The following DTNA variants were observed in gnomAD, a reference collection of about 807,000 sequenced individuals.
The protein encoded by DTNA is dystrobrevin alpha, also known as dystrophin-related protein 3.
Under a neutral mutation model 100.7 loss-of-function variants are expected in DTNA, and 43 were observed. The ratio of observed to expected loss-of-function variants is 0.43; its 90% CI spans 0.33 to 0.55. The LOEUF (loss-of-function observed/expected upper bound fraction) is 0.55, where lower values mean the gene tolerates loss of function less well. DTNA is among the 20% of genes least tolerant of loss of function. The pLI is 0.04. For synonymous variants in DTNA, 349 were observed against 347.9 expected, an observed-to-expected ratio of 1.00 and a Z score of -0.04; for missense variants, 798 against 953.9, an observed-to-expected ratio of 0.84 and a Z score of 2.15.
At chr18:34,573,596 T>G (rs993958928) in intron 1 of DTNA, among the ~76,000 whole-genome samples, 1 of 152,228 alleles carries the variant, frequency 6.6e-6, no homozygotes, top group Non-Finnish European at 1.5e-5. Flanking sequence ...ATTAAAATTG[T>G]ATACATTTAT....
chr18:34,626,792 G>T (rs1193742110), intron 1 of DTNA, among the ~76,000 whole-genome samples: 1 of 152,218 alleles, frequency 6.6e-6, no homozygotes, highest in Non-Finnish European at 1.5e-5. Flanking sequence ...GCAGCCTGGG[G>T]CTGTCACATG....
At position 34,858,797 on chromosome 18, in the gene DTNA, G is replaced by C. The variant is rs529700775; in HGVS notation, c.1646+399G>C. Among the ~76,000 whole-genome samples, 10 of 151,856 alleles carry C rather than the reference G, an allele frequency of 6.6e-5. No individual in the cohort carries two copies. The South Asian group carries it at 1.9e-3, about 28-fold the overall frequency. On this transcript the variant is annotated intron_variant, in intron 16 of 22. Transcript: ENST00000444659. ...GGCTAATTTTTTTGTATTTAGTAGAGACAGGGTTTCACCATATTAGTCAGA... is the reference window on the plus strand; with the variant it reads ...GGCTAATTTTTTTGTATTTAGTAGACACAGGGTTTCACCATATTAGTCAGA...
rs2096956217 is a variant in DTNA at position 34,890,073 on chromosome 18, A to T, written c.*2339A>T. 6 of 1,367,002 alleles carry T rather than the reference A, an allele frequency of 4.4e-6. 1 individual carries two copies. In the African/African-American group the frequency reaches 5.9e-5, roughly 13 times the overall value. 84.7% of individuals were successfully genotyped at this position (1,367,002 alleles called of 1,614,324 possible). ...TCCTGCACGTGGCACTCCACCACTGACTGGACCGAGCTGGCATATGTTGTT... is the reference window on the plus strand; with the variant it reads ...TCCTGCACGTGGCACTCCACCACTGTCTGGACCGAGCTGGCATATGTTGTT... On this transcript the variant is annotated 3_prime_UTR_variant, in exon 23 of 23. Coordinates refer to ENST00000444659, the MANE Select transcript of DTNA (RefSeq NM_001386795.1).
intron 1 of DTNA, among the ~76,000 whole-genome samples, chr18:34,535,078 A>G (rs1045570954): frequency 6.6e-6 from 1 of 152,166 alleles, no homozygotes; most frequent in Non-Finnish European, 1.5e-5. Flanking sequence ...AGTGTGTTCC[A>G]CAATGGTTGA....
chr18:34,867,269 A>G (rs1433858466), intron 17 of DTNA: 2 of 1,231,272 alleles, frequency 1.6e-6, no homozygotes, highest in Non-Finnish European at 2.0e-6. Flanking sequence ...CTTCATTCCC[A>G]TGGTCTGTAA....
At chr18:34,745,189 C>A (rs546646821) in intron 1 of DTNA, among the ~76,000 whole-genome samples, 5 of 152,060 alleles carry the variant, frequency 3.3e-5, no homozygotes, top group African/African-American at 1.2e-4. Flanking sequence ...TTGCAGAAAA[C>A]AATATATTCT....
chr18:34,716,398 C>G (rs144352384), intron 1 of DTNA, among the ~76,000 whole-genome samples: 334 of 152,104 alleles, frequency 2.2e-3, no homozygotes, highest in African/African-American at 7.9e-3. Flanking sequence ...CCCATCTGTC[C>G]TAAAAATACA....
At chr18:34,733,253 C>T (rs945747438) in intron 1 of DTNA, among the ~76,000 whole-genome samples, 1 of 152,192 alleles carries the variant, frequency 6.6e-6, no homozygotes, top group Non-Finnish European at 1.5e-5. Context: ...CAAACTGGCT[C>T]AAGTCTGGAA....
At chr18:34,802,073 T>C (rs534228356) in intron 4 of DTNA, among the ~76,000 whole-genome samples, 2 of 152,326 alleles carry the variant, frequency 1.3e-5, no homozygotes, top group Non-Finnish European at 2.9e-5. Context: ...GCAGTCAGAA[T>C]TGCACATGAA....
chr18:34,816,233 C>T (rs548117699), intron 7 of DTNA, among the ~76,000 whole-genome samples: 49 of 152,260 alleles, frequency 3.2e-4, no homozygotes, highest in African/African-American at 1.1e-3. Context: ...TCATGGTCTT[C>T]TTCTCAATTA....
At chr18:34,614,802 A>C (rs1194589032) in intron 1 of DTNA, among the ~76,000 whole-genome samples, 1 of 152,222 alleles carries the variant, frequency 6.6e-6, no homozygotes, top group African/African-American at 2.4e-5. Flanking sequence ...CTCTGTCAAC[A>C]TTGTTGAAAT....
intron 1 of DTNA, among the ~76,000 whole-genome samples, chr18:34,543,723 C>A (rs774489133): frequency 2.0e-5 from 3 of 152,062 alleles, no homozygotes; most frequent in Non-Finnish European, 2.9e-5. Context: ...AAATTGTGGA[C>A]AGTAGATGAC....
At position 34,891,269 on chromosome 18, in the gene DTNA, T is replaced by C. The variant is rs1203715520; in HGVS notation, c.*3535T>C. The C allele has an allele frequency of 3.5e-5, 3 of 86,954 alleles. No homozygotes were observed. The highest frequency in any genetic ancestry group is 2.0e-4 in the African/African-American group (3 of 15,110). The allele number at this position is 86,954 out of a possible 1,614,324, so 5.4% of individuals were successfully genotyped here. A position where few individuals can be genotyped will look rare whatever the true frequency, so the allele number is the denominator to read the frequency against. ...TGTATTGCTGTTAAGTATTGTTTTG[T>C]GTGTGTGTGTGTGTGTGTGTGTTGG... is the stretch of plus-strand genomic sequence containing the variant. On this transcript the variant is annotated 3_prime_UTR_variant, in exon 23 of 23. Coordinates refer to ENST00000444659, the MANE Select transcript of DTNA (RefSeq NM_001386795.1).
At chr18:34,868,628 G>A in intron 17 of DTNA, 2 of 985,378 alleles carry the variant, frequency 2.0e-6, no homozygotes, top group Non-Finnish European at 2.4e-6. Flanking sequence ...ATAAGTCTGT[G>A]TGGTTCAATG....
chr18:34,570,484 G>A (rs2146406403), intron 1 of DTNA, among the ~76,000 whole-genome samples: 1 of 152,290 alleles, frequency 6.6e-6, no homozygotes, highest in South Asian at 2.1e-4. Context: ...CTAACATCTA[G>A]CACAAATTAA....
chr18:34,875,426 C>T, intron 18 of DTNA, 28 bp downstream of exon 18: 1 of 1,613,884 alleles, frequency 6.2e-7, no homozygotes, highest in East Asian at 2.2e-5. Context: ...TTGTTGTGGT[C>T]TGCTTTTATG....
intron 3 of DTNA, among the ~76,000 whole-genome samples, chr18:34,772,396 A>C (rs1226302267): frequency 6.6e-6 from 1 of 152,222 alleles, no homozygotes; most frequent in Non-Finnish European, 1.5e-5. Context: ...TGAACCAAAA[A>C]AATGCAGTTA....
At position 34,887,986 on chromosome 18, in the gene DTNA, G is replaced by A. The variant is rs1488145675; in HGVS notation, c.*252G>A. 2.0e-6 allele frequency: 2 copies of A among 985,604 alleles called. No individual in the cohort carries two copies. The highest frequency in any genetic ancestry group is 1.1e-4 in the East Asian group (1 of 8,812). 61.1% of individuals were successfully genotyped at this position (985,604 alleles called of 1,614,324 possible). A position where few individuals can be genotyped will look rare whatever the true frequency, so the allele number is the denominator to read the frequency against. ...GTTCTCAGATTTGTAGTGCATAGGTGTGTGTTTCAAGAAGGAAAAAAAAAG... is the reference window on the plus strand; with the variant it reads ...GTTCTCAGATTTGTAGTGCATAGGTATGTGTTTCAAGAAGGAAAAAAAAAG... On this transcript the variant is annotated 3_prime_UTR_variant, in exon 23 of 23. Coordinates refer to ENST00000444659, the MANE Select transcript of DTNA (RefSeq NM_001386795.1).
chr18:34,818,924 G>A (rs1220762935), intron 8 of DTNA, among the ~76,000 whole-genome samples: 3 of 152,298 alleles, frequency 2.0e-5, no homozygotes, highest in East Asian at 3.9e-4. Flanking sequence ...CTGTGTGATA[G>A]ATGTATTCTC....
Sources: gnomAD v4.1 joint callset for allele counts (sites outside exome capture counted in the v4.1 genomes callset) on GRCh38, gnomAD v4.1.1 for gene constraint, MANE v1.5 for transcripts, NCBI Gene and HGNC (gene_info 2026-07-23, HGNC 2026-07-21) for gene names.